ILRUN: variants seen among roughly 807,000 people sequenced by gnomAD.
The protein encoded by ILRUN is inflammation and lipid regulator with UBA-like and NBR1-like domains.
A neutral mutation model predicts 33.8 loss-of-function variants in ILRUN; 3 were observed. The observed-to-expected ratio is 0.09, with a 90% CI of 0.04 to 0.23. ILRUN has a LOEUF of 0.23. Ranked by LOEUF, ILRUN falls within the 10% of genes least tolerant of loss-of-function variation. The pLI, the probability that ILRUN is intolerant of heterozygous loss-of-function variation, is 1.00. For synonymous variants in ILRUN, 124 were observed against 138.9 expected, an observed-to-expected ratio of 0.89 and a Z score of 0.75; for missense variants, 210 against 375.1, an observed-to-expected ratio of 0.56 and a Z score of 3.64.
At position 34,590,251 on chromosome 6, in the gene ILRUN, C is replaced by A; in HGVS notation, c.*314G>T. On this transcript the variant is annotated 3_prime_UTR_variant, in exon 5 of 5. Coordinates refer to ENST00000374023, the MANE Select transcript of ILRUN (RefSeq NM_024294.4). Reference sequence around the variant, plus strand: ...GTTTAAAAAGATGGCTTTTTTTCCCCCATTTTAAACTTTTTCCCCCTTCCC... The same window carrying A: ...GTTTAAAAAGATGGCTTTTTTTCCCACATTTTAAACTTTTTCCCCCTTCCC... The A allele has an allele frequency of 4.9e-6, 1 of 204,162 alleles. No homozygotes were observed. Among genetic ancestry groups the A allele is most frequent in the Non-Finnish European group, 9.8e-6 (1 of 102,026 alleles). The allele number at this position is 204,162 out of a possible 1,614,324, so 12.6% of individuals were successfully genotyped here. A position where few individuals can be genotyped will look rare whatever the true frequency, so the allele number is the denominator to read the frequency against.
chr6:34,683,508 ATATATACATATATATATATACATATT>A (rs1763448271), intron 1 of ILRUN, among the ~76,000 whole-genome samples: 1 of 103,332 alleles, frequency 9.7e-6, no homozygotes, highest in African/African-American at 4.0e-5. Flanking sequence ...ACATATATAT[ATATATACATATATATATATACATATT>A]GCACAGAATA....
At chr6:34,639,841 C>G (rs1283059613) in intron 3 of ILRUN, among the ~76,000 whole-genome samples, 1 of 152,094 alleles carries the variant, frequency 6.6e-6, no homozygotes, top group Non-Finnish European at 1.5e-5. Context: ...TTTACTAGAC[C>G]TTAAGCCTCT....
At chr6:34,616,857 A>G in intron 3 of ILRUN, 1 of 688,722 alleles carries the variant, frequency 1.5e-6, no homozygotes, top group South Asian at 1.4e-5. Flanking sequence ...CTTTGCCTTC[A>G]TCAAATCTTT....
At chr6:34,630,324 T>G (rs751936951) in intron 3 of ILRUN, among the ~76,000 whole-genome samples, 1 of 152,208 alleles carries the variant, frequency 6.6e-6, no homozygotes, top group African/African-American at 2.4e-5. Flanking sequence ...ACTGAAACCA[T>G]GGAAAGTGAA....
chr6:34,649,246 C>T (rs1337882326), intron 2 of ILRUN, among the ~76,000 whole-genome samples: 1 of 152,088 alleles, frequency 6.6e-6, no homozygotes, highest in Non-Finnish European at 1.5e-5. Context: ...TGTTAGGTCA[C>T]GTAACTCTGA....
chr6:34,687,874 T>G (rs1270680549), intron 1 of ILRUN, among the ~76,000 whole-genome samples: 2 of 151,864 alleles, frequency 1.3e-5, no homozygotes, highest in African/African-American at 2.4e-5. Context: ...AAGAGTTTGG[T>G]GATTCCTCAA....
Position 34,646,931 on chromosome 6 carries a change from G to A in ILRUN, c.314-133C>T. The A allele has an allele frequency of 1.4e-6, 1 of 725,830 alleles. No homozygotes were observed. Among genetic ancestry groups the A allele is most frequent in the Non-Finnish European group, 2.3e-6 (1 of 435,264 alleles). The allele number at this position is 725,830 out of a possible 1,614,324, so 45.0% of individuals were successfully genotyped here. ...CATAAACCTAACCACATATACCTAAGCCATATATTGTCTCACACAACTGAT... is the reference window on the plus strand; with the variant it reads ...CATAAACCTAACCACATATACCTAAACCATATATTGTCTCACACAACTGAT... On this transcript the variant is annotated intron_variant, in intron 2 of 4. Coordinates refer to ENST00000374023, the MANE Select transcript of ILRUN (RefSeq NM_024294.4). This position sits in a 1 kb window ranked among gnomAD's most constrained non-coding sequence, Gnocchi z 4.9.
chr6:34,662,921 A>T (rs965244214), intron 1 of ILRUN, among the ~76,000 whole-genome samples: 1 of 152,186 alleles, frequency 6.6e-6, no homozygotes, highest in Admixed American at 6.5e-5. Flanking sequence ...AAAATTTAAA[A>T]GAAAATTAAA....
intron 3 of ILRUN, among the ~76,000 whole-genome samples, chr6:34,619,667 T>A (rs1761969650): frequency 6.6e-6 from 1 of 152,076 alleles, no homozygotes. Flanking sequence ...TATTACCTTT[T>A]AAGAGTGCTC....
At position 34,618,447 on chromosome 6, in the gene ILRUN, TA is replaced by T. The variant is rs1490495935; in HGVS notation, c.512-11544del. On this transcript the variant is annotated intron_variant, in intron 3 of 4. Transcript: ENST00000374023. ...AAACCCTAATTATTCCTGTTTCACC[TA>T]ATCCTGTCTCAGAAACAGCAACCAA... Among the ~76,000 whole-genome samples the T allele has an allele frequency of 2.0e-5, 3 of 152,292 alleles. No individual in the cohort carries two copies. In the East Asian group the frequency reaches 5.8e-4, roughly 29 times the overall value.
intron 1 of ILRUN, among the ~76,000 whole-genome samples, chr6:34,673,156 T>G (rs796219862): frequency 3.3e-5 from 5 of 152,218 alleles, no homozygotes; most frequent in African/African-American, 1.2e-4. Context: ...AAGAAAAATT[T>G]CAGAATGCAA....
chr6:34,664,966 G>C (rs1405472948), intron 1 of ILRUN, among the ~76,000 whole-genome samples: 1 of 151,918 alleles, frequency 6.6e-6, no homozygotes, highest in Non-Finnish European at 1.5e-5. Flanking sequence ...GCAATTTTTT[G>C]TTTTGTTTTG....
rs958107030 is a variant in ILRUN, at chr6:34,691,171, A to G, written c.158+5275T>C. ...CCAAAGTGCTGGGATTACAGGTGTG[A>G]GCCACTGCACCTGGCCTAAACTAAA... On this transcript the variant is annotated intron_variant, in intron 1 of 4. Coordinates refer to ENST00000374023, the MANE Select transcript of ILRUN (RefSeq NM_024294.4). Among the ~76,000 whole-genome samples, 41 of 152,032 alleles carry G rather than the reference A, an allele frequency of 2.7e-4. 1 individual carries two copies. Among genetic ancestry groups the G allele is most frequent in the African/African-American group, 9.9e-4 (41 of 41,412 alleles).
In ILRUN at chr6:34,589,828, C is replaced by G. The variant is rs146249814; in HGVS notation, c.*737G>C. ...CGTCACCCGAGATCTATCCTCAAGGCTTCCTCTGCTGGCCACACAGGGAAG... is the reference window on the plus strand; with the variant it reads ...CGTCACCCGAGATCTATCCTCAAGGGTTCCTCTGCTGGCCACACAGGGAAG... On this transcript the variant is annotated 3_prime_UTR_variant, in exon 5 of 5. Transcript: ENST00000374023. 6.6e-6 allele frequency: 1 copy of G among 152,180 alleles called. No individual in the cohort carries two copies. The highest frequency in any genetic ancestry group is 1.9e-4 in the East Asian group (1 of 5,198). 9.4% of individuals were successfully genotyped at this position (152,180 alleles called of 1,614,324 possible).
At chr6:34,693,618 C>T (rs1338815190) in intron 1 of ILRUN, among the ~76,000 whole-genome samples, 1 of 151,572 alleles carries the variant, frequency 6.6e-6, no homozygotes, top group East Asian at 1.9e-4. Flanking sequence ...TACTCCATGG[C>T]TTTGAGCATA....
chr6:34,644,006 C>G (rs76748056), intron 3 of ILRUN, among the ~76,000 whole-genome samples: 2,242 of 152,214 alleles, frequency 0.015, 38 homozygotes, highest in African/African-American at 0.052. Flanking sequence ...CCGGCCTTTA[C>G]TTTTATTTTT....
rs1762565786 is a variant in ILRUN at position 34,646,450 on chromosome 6, A to C, written c.511+151T>G. ...AGAGCACTAGACTAATCAATTAGTCATAAAATGCAAATCATTTACCTGCAT... is the reference window on the plus strand; with the variant it reads ...AGAGCACTAGACTAATCAATTAGTCCTAAAATGCAAATCATTTACCTGCAT... On this transcript the variant is annotated intron_variant, in intron 3 of 4. Coordinates refer to ENST00000374023, the MANE Select transcript of ILRUN (RefSeq NM_024294.4). The surrounding 1 kb of genome is among the most constrained non-coding windows in gnomAD (Gnocchi z 4.9). The C allele has an allele frequency of 1.5e-6, 1 of 663,248 alleles. No homozygotes were observed. The highest frequency in any genetic ancestry group is 2.6e-6 in the Non-Finnish European group (1 of 391,698). 41.1% of individuals were successfully genotyped at this position (663,248 alleles called of 1,614,324 possible).
At chr6:34,624,310 C>T (rs1294612824) in intron 3 of ILRUN, among the ~76,000 whole-genome samples, 1 of 151,948 alleles carries the variant, frequency 6.6e-6, no homozygotes, top group African/African-American at 2.4e-5. Flanking sequence ...CAACTAATTA[C>T]CTAATTTATT....
intron 1 of ILRUN, among the ~76,000 whole-genome samples, chr6:34,694,640 A>T (rs1763717459): frequency 1.3e-5 from 2 of 152,322 alleles, no homozygotes; most frequent in Middle Eastern, 3.4e-3. Flanking sequence ...AATTCTAAAG[A>T]CTATCTCCTG....
Sources: gnomAD v4.1 joint callset for allele counts (sites outside exome capture counted in the v4.1 genomes callset) on GRCh38, gnomAD v4.1.1 for gene constraint, Gnocchi (gnomAD v3.1) non-coding constraint, MANE v1.5 for transcripts, NCBI Gene and HGNC (gene_info 2026-07-23, HGNC 2026-07-21) for gene names.